The following THSD4 variants were observed in gnomAD, a reference collection of about 807,000 sequenced individuals.
THSD4 encodes the protein thrombospondin type 1 domain containing 4, also known as thrombospondin type-1 domain-containing protein 4.
Under a neutral mutation model 119.0 loss-of-function variants are expected in THSD4, and 69 were observed. That is an observed-to-expected ratio of 0.58 (90% confidence interval 0.48 to 0.71). THSD4 has a LOEUF of 0.71. Among genes scored for constraint, THSD4 ranks in the 30% least tolerant of loss-of-function variants. The pLI, the probability that THSD4 is intolerant of heterozygous loss-of-function variation, is 0.00. For synonymous variants in THSD4, 524 were observed against 540.4 expected (o/e 0.97, Z 0.42); for missense variants, 1,393 against 1,391.1 (o/e 1.00, Z -0.02).
rs1184457820 is a variant in THSD4 at position 71,332,891 on chromosome 15, C to CTTTTTTTTTTTTTTTTTT, written c.1015+76176_1015+76177insTTTTTTTTTTTTTTTTTT. 3.0e-3 allele frequency among the ~76,000 whole-genome samples: 115 copies of CTTTTTTTTTTTTTTTTTT among 38,020 alleles called. 17 individuals carry two copies. Among genetic ancestry groups the CTTTTTTTTTTTTTTTTTT allele is most frequent in the East Asian group, 8.8e-3 (7 of 792 alleles). The allele number at this position is 38,020 out of a possible 152,430, so 24.9% of individuals were successfully genotyped here. On this transcript the variant is annotated intron_variant, in intron 6 of 17. Transcript: ENST00000261862. ...TTCTTAAAACATTGAGATTTTTTTACATTTTTTTTTTTTTTTTAGTTCATC... is the reference window on the plus strand; with the variant it reads ...TTCTTAAAACATTGAGATTTTTTTACTTTTTTTTTTTTTTTTTTATTTTTTTTTTTTTTTTAGTTCATC...
intron 4 of THSD4, among the ~76,000 whole-genome samples, chr15:71,221,006 A>G (rs116746440): frequency 6.6e-6 from 1 of 152,290 alleles, no homozygotes; most frequent in African/African-American, 2.4e-5. Context: ...CAACCAAGTC[A>G]TCTTTCACTC....
chr15:71,349,425 C>T (rs1382893826), intron 6 of THSD4, among the ~76,000 whole-genome samples: 1 of 152,204 alleles, frequency 6.6e-6, no homozygotes, highest in East Asian at 1.9e-4. Context: ...CTGTTCACTT[C>T]TCCACATGCC....
At chr15:71,374,245 A>G (rs929175075) in intron 6 of THSD4, among the ~76,000 whole-genome samples, 1 of 152,134 alleles carries the variant, frequency 6.6e-6, no homozygotes, top group Non-Finnish European at 1.5e-5. Flanking sequence ...TTTGCAAAGC[A>G]CTCAGTTCAT....
At chr15:71,263,475 A>G (rs963168647) in intron 6 of THSD4, among the ~76,000 whole-genome samples, 7 of 152,068 alleles carry the variant, frequency 4.6e-5, no homozygotes, top group African/African-American at 9.7e-5. Context: ...TGTCTTTATA[A>G]TAGAATGATT....
At chr15:71,419,236 C>T in intron 7 of THSD4, among the ~76,000 whole-genome samples, 1 of 103,294 alleles carries the variant, frequency 9.7e-6, no homozygotes, top group Non-Finnish European at 2.1e-5. Flanking sequence ...ACAGTGTTGC[C>T]CTGTTGCTGA....
intron 7 of THSD4, among the ~76,000 whole-genome samples, chr15:71,474,252 C>T (rs1206819212): frequency 2.6e-5 from 4 of 151,918 alleles, no homozygotes; most frequent in African/African-American, 9.7e-5. Flanking sequence ...TGGAGTCTCA[C>T]TCTGTCACCC....
intron 4 of THSD4, among the ~76,000 whole-genome samples, chr15:71,231,272 G>A (rs1183113352): frequency 3.3e-5 from 5 of 152,268 alleles, no homozygotes; most frequent in Admixed American, 2.6e-4. Flanking sequence ...CCCCCAGAAG[G>A]CCTGAGTCTT....
Position 71,591,005 on chromosome 15 carries a change from C to CAAAAA in THSD4, c.1153-69497_1153-69493dup, listed in dbSNP as rs67271025. ...TGGGCGACAGAGCAAGACTCCATCT[C>CAAAAA]AAAAAAAAAAAAAAAAAAAAAAAAA... On this transcript the variant is annotated intron_variant, in intron 7 of 17. Coordinates refer to ENST00000261862, the MANE Select transcript of THSD4 (RefSeq NM_024817.3). Among the ~76,000 whole-genome samples the CAAAAA allele has an allele frequency of 1.9e-3, 110 of 57,510 alleles. 6 individuals carry two copies. The highest frequency in any genetic ancestry group is 3.5e-3 in the East Asian group (6 of 1,718). 37.7% of individuals were successfully genotyped at this position (57,510 alleles called of 152,430 possible).
intron 7 of THSD4, among the ~76,000 whole-genome samples, chr15:71,516,788 C>T (rs2048367731): frequency 6.6e-6 from 1 of 152,220 alleles, no homozygotes; most frequent in Admixed American, 6.5e-5. Context: ...TATGCTATCA[C>T]ATAGCTGTTA....
chr15:71,774,652 C>A (rs770523753), intron 17 of THSD4, among the ~76,000 whole-genome samples: 4 of 151,950 alleles, frequency 2.6e-5, no homozygotes, highest in African/African-American at 9.7e-5. Context: ...TAGGGCTCAT[C>A]GGGTGTGCCA....
chr15:71,225,341 C>T (rs1300856996), intron 4 of THSD4, among the ~76,000 whole-genome samples: 1 of 151,896 alleles, frequency 6.6e-6, no homozygotes, highest in African/African-American at 2.4e-5. Context: ...GACAAGTCAC[C>T]TCATTTCTCT....
At chr15:71,741,026 T>C (rs2053223321) in intron 11 of THSD4, among the ~76,000 whole-genome samples, 1 of 152,178 alleles carries the variant, frequency 6.6e-6, no homozygotes, top group African/African-American at 2.4e-5. Flanking sequence ...CTGTGTTTTT[T>C]GAATAAGTGA....
chr15:71,472,008 G>A lies in THSD4; in HGVS notation c.1152+60185G>A, dbSNP rs140477736. On this transcript the variant is annotated intron_variant, in intron 7 of 17. Coordinates refer to ENST00000261862, the MANE Select transcript of THSD4 (RefSeq NM_024817.3). Reference sequence around the variant, plus strand: ...TGGCTCACTACAGCCTCAACCTCCTGGGCTCAAACAATCCCTCCACCTTAG... The same window carrying A: ...TGGCTCACTACAGCCTCAACCTCCTAGGCTCAAACAATCCCTCCACCTTAG... Among the ~76,000 whole-genome samples, 274 of 152,134 alleles carry A rather than the reference G, an allele frequency of 1.8e-3. 4 individuals carry two copies. The highest frequency in any genetic ancestry group is 6.3e-3 in the African/African-American group (262 of 41,520).
chr15:71,294,776 C>A (rs1014627625), intron 6 of THSD4, among the ~76,000 whole-genome samples: 2 of 152,154 alleles, frequency 1.3e-5, no homozygotes, highest in African/African-American at 4.8e-5. Context: ...CAAAGATCTT[C>A]TACTAAGATA....
chr15:71,230,821 CT>C (rs1263736382), intron 4 of THSD4, among the ~76,000 whole-genome samples: 5 of 152,250 alleles, frequency 3.3e-5, no homozygotes, highest in Non-Finnish European at 7.3e-5. Context: ...AAGCATCTCT[CT>C]TTTAAACTTC....
chr15:71,242,728 A>G lies in THSD4; in HGVS notation c.544A>G (p.Thr182Ala). ...APYILPLQTD[T>A]AHTPQRLRRQ... ...ATATATCTTACCACTGCAGACAGACACTGCACACACGCCACAGAGGCTCCG... is the reference window on the plus strand; with the variant it reads ...ATATATCTTACCACTGCAGACAGACGCTGCACACACGCCACAGAGGCTCCG... The change falls in exon 5 of 18, where the codon ACT (threonine) becomes GCT (alanine). Residue 182 changes from threonine to alanine, a missense_variant. Physicochemically the swap from Thr to Ala is moderately conservative, Grantham distance 58. Coordinates refer to ENST00000261862, the MANE Select transcript of THSD4 (RefSeq NM_024817.3). The G allele has an allele frequency of 6.2e-7, 1 of 1,614,202 alleles. No individual in the cohort carries two copies. The highest frequency in any genetic ancestry group is 8.5e-7 in the Non-Finnish European group (1 of 1,180,040).
chr15:71,203,206 A>G (rs1338864878), intron 3 of THSD4, among the ~76,000 whole-genome samples: 1 of 152,102 alleles, frequency 6.6e-6, no homozygotes, highest in African/African-American at 2.4e-5. Flanking sequence ...GGGGACAGAG[A>G]TGGAGTTGAA....
intron 7 of THSD4, among the ~76,000 whole-genome samples, chr15:71,414,735 A>G (rs573411017): frequency 2.0e-5 from 3 of 152,224 alleles, no homozygotes. Flanking sequence ...TTGATGAAAA[A>G]CATTCAAACT....
chr15:71,773,200 C>CAAAAAAAAAAAA (rs5813665), intron 17 of THSD4, among the ~76,000 whole-genome samples: 8 of 54,008 alleles, frequency 1.5e-4, no homozygotes, highest in South Asian at 6.2e-4. Flanking sequence ...GACCATGTCT[C>CAAAAAAAAAAAA]AAAAAAAAAA....
Sources: gnomAD v4.1 joint callset for allele counts (sites outside exome capture counted in the v4.1 genomes callset) on GRCh38, gnomAD v4.1.1 for gene constraint, MANE v1.5 for transcripts, NCBI Gene and HGNC (gene_info 2026-07-23, HGNC 2026-07-21) for gene names.